Variants in DUS2 observed in about 807,000 individuals in gnomAD.
The protein encoded by DUS2 is dihydrouridine synthase 2, also known as tRNA-dihydrouridine(20) synthase [NAD(P)+]-like.
In DUS2, 52 loss-of-function variants were observed where a neutral mutation model predicts 71.3. The observed-to-expected ratio is 0.73, with a 90% CI of 0.58 to 0.92. DUS2 has a LOEUF of 0.92. Ranked by LOEUF, DUS2 falls within the 40% of genes least tolerant of loss-of-function variation. The probability of loss-of-function intolerance (pLI) is 0.00; values close to 1 mark genes in which losing one functional copy is unlikely to be tolerated. For missense variants in DUS2, 558 were observed against 622.6 expected, an observed-to-expected ratio of 0.90 and a Z score of 1.10; for synonymous variants, 204 against 227.8, an observed-to-expected ratio of 0.90 and a Z score of 0.94.
chr16:68,062,649 G>A (rs1029839098), intron 8 of DUS2, among the ~76,000 whole-genome samples: 15 of 149,450 alleles, frequency 1.0e-4, no homozygotes, highest in Non-Finnish European at 2.1e-4. Flanking sequence ...AACCCGGGAG[G>A]CAGAGGTTGC....
chr16:68,034,122 G>A (rs991514638), intron 2 of DUS2, among the ~76,000 whole-genome samples: 4 of 152,090 alleles, frequency 2.6e-5, no homozygotes, highest in African/African-American at 9.7e-5. Context: ...CTGGAGTGCA[G>A]TGGTATGATA....
At chr16:68,073,361 T>C (rs577218904) in intron 12 of DUS2, among the ~76,000 whole-genome samples, 3 of 150,674 alleles carry the variant, frequency 2.0e-5, no homozygotes, top group African/African-American at 7.3e-5. Context: ...CAGCCACAAC[T>C]CCTGGGTGCA....
intron 3 of DUS2, among the ~76,000 whole-genome samples, chr16:68,038,616 G>T (rs1322729605): frequency 6.6e-6 from 1 of 151,622 alleles, no homozygotes; most frequent in Admixed American, 6.6e-5. Flanking sequence ...TGTAGTCCCA[G>T]CTACTCGGGA....
Position 68,038,082 on chromosome 16 carries a change from T to C in DUS2, c.59T>C (p.Val20Ala), listed in dbSNP as rs1168712547. Residue 20 changes from valine to alanine, a missense_variant, in exon 3 of 17, where the codon GTT (valine) becomes GCT (alanine). Physicochemically the swap from Val to Ala is moderately conservative, Grantham distance 64. Coordinates refer to ENST00000565263, the MANE Select transcript of DUS2 (RefSeq NM_017803.5). Reference protein sequence around the residue: ...YHNKLILAPMVRVGTLPMRLL... With the variant: ...YHNKLILAPMARVGTLPMRLL... ...AATAAGCTAATCCTGGCCCCAATGG[T>C]TCGGGTAGGGACTCTTCCAATGAGG... 3 of 1,614,006 alleles carry C rather than the reference T, an allele frequency of 1.9e-6. No homozygotes were observed. In the East Asian group the frequency reaches 6.7e-5, roughly 36 times the overall value.
Position 68,066,622 on chromosome 16 carries a change from C to T in DUS2, c.540C>T (p.Ile180=), listed in dbSNP as rs761361430. ...TAGAGAGGACTGGCATTGCTGCCATCGCAGTTCATGGGAGGTGAGTGGTCA... is the reference window on the plus strand; with the variant it reads ...TAGAGAGGACTGGCATTGCTGCCATTGCAGTTCATGGGAGGTGAGTGGTCA... ...KRIERTGIAA[I]AVHGRKREER... is the part of the protein sequence containing the mutation. The change falls in exon 10 of 17, where the codon ATC becomes ATT. Residue 180 remains isoleucine (I), a synonymous_variant. Coordinates refer to ENST00000565263, the MANE Select transcript of DUS2 (RefSeq NM_017803.5). 61 of 1,613,984 alleles carry T rather than the reference C, an allele frequency of 3.8e-5. No individual in the cohort carries two copies. Among genetic ancestry groups the T allele is most frequent in the East Asian group, 2.7e-4 (12 of 44,898 alleles).
intron 12 of DUS2, among the ~76,000 whole-genome samples, chr16:68,071,705 A>G (rs1213040234): frequency 2.7e-5 from 4 of 147,248 alleles, no homozygotes; most frequent in Non-Finnish European, 5.9e-5. Flanking sequence ...TGGCATAATC[A>G]TGACTCACTG....
chr16:68,074,291 A>T lies in DUS2; in HGVS notation c.932+136A>T, dbSNP rs181749995. The T allele has an allele frequency of 3.4e-4, 397 of 1,179,556 alleles. 2 individuals carry two copies. In the African/African-American group the frequency reaches 5.1e-3, roughly 15 times the overall value. The allele number at this position is 1,179,556 out of a possible 1,614,324, so 73.1% of individuals were successfully genotyped here. On this transcript the variant is annotated intron_variant, in intron 13 of 16. Coordinates refer to ENST00000565263, the MANE Select transcript of DUS2 (RefSeq NM_017803.5). ...ATGTAGAGGAGTGGAGTGATGGTACAGCTTTGCCTCCCAGGAGGGGATTCT... is the reference window on the plus strand; with the variant it reads ...ATGTAGAGGAGTGGAGTGATGGTACTGCTTTGCCTCCCAGGAGGGGATTCT...
At chr16:68,060,565 C>T (rs934644390) in intron 7 of DUS2, among the ~76,000 whole-genome samples, 3 of 152,216 alleles carry the variant, frequency 2.0e-5, no homozygotes, top group African/African-American at 4.8e-5. Flanking sequence ...CCACCTGACT[C>T]AGCTTCCCAA....
intron 15 of DUS2, among the ~76,000 whole-genome samples, 196 bp downstream of exon 15, chr16:68,076,915 T>C (rs1227800910): frequency 3.6e-5 from 5 of 137,066 alleles, no homozygotes; most frequent in Admixed American, 7.0e-5. Context: ...ACATCTCTCT[T>C]TTTTTTTTTT....
In DUS2 at chr16:68,040,968, C is replaced by T. The variant is rs965555937; in HGVS notation, c.126+2819C>T. On this transcript the variant is annotated intron_variant, in intron 3 of 16. Transcript: ENST00000565263. ...CAAAGTCGCCGAGCGTGGTGGCTCA[C>T]GCCTGCAATCCCAGCACTTTGGGAG... 2.6e-5 allele frequency among the ~76,000 whole-genome samples: 4 copies of T among 152,280 alleles called. No individual in the cohort carries two copies. In the East Asian group the frequency reaches 7.7e-4, roughly 29 times the overall value.
intron 10 of DUS2, among the ~76,000 whole-genome samples, chr16:68,069,154 C>T (rs1262869142): frequency 6.6e-6 from 1 of 152,028 alleles, no homozygotes; most frequent in East Asian, 1.9e-4. Context: ...TTTAGGAGGC[C>T]GAGGCGGGTG....
At chr16:68,029,098 C>A (rs932373261) in intron 2 of DUS2, among the ~76,000 whole-genome samples, 1 of 151,690 alleles carries the variant, frequency 6.6e-6, no homozygotes, top group African/African-American at 2.4e-5. Flanking sequence ...CCAGTTACTC[C>A]GGATGCTGAG....
chr16:68,037,223 A>G (rs1262043547), intron 2 of DUS2, among the ~76,000 whole-genome samples: 1 of 150,354 alleles, frequency 6.7e-6, no homozygotes, highest in Non-Finnish European at 1.5e-5. Context: ...ACTGGCACAG[A>G]CTAGGTACTT....
chr16:68,078,327 GC>G, intron 15 of DUS2, 117 bp from the exon 16 acceptor site: 1 of 927,146 alleles, frequency 1.1e-6, no homozygotes, highest in South Asian at 1.4e-5. Flanking sequence ...GATACAGGCA[GC>G]CTTCATTTGA....
rs2034142669 is a variant in DUS2, at chr16:68,075,400, G to C, written c.978G>C (p.Glu326Asp). Residue 326 changes from glutamate (E) to aspartate (D), a missense_variant, in exon 14 of 17, where the codon GAG (glutamate) becomes GAC (aspartate). Coordinates refer to ENST00000565263, the MANE Select transcript of DUS2 (RefSeq NM_017803.5). ...CCTTCTATGAGGAGACCACACAGGA[G>C]CTGGATGCCCAGCAGGCCAGGCTCT... Reference protein sequence around the residue: ...LGAFYEETTQELDAQQARLSA... With the variant: ...LGAFYEETTQDLDAQQARLSA... 6.2e-7 allele frequency: 1 copy of C among 1,613,656 alleles called. No homozygotes were observed. Among genetic ancestry groups the C allele is most frequent in the Admixed American group, 1.7e-5 (1 of 59,950 alleles).
intron 3 of DUS2, among the ~76,000 whole-genome samples, chr16:68,039,339 G>A (rs1463126672): frequency 6.6e-6 from 1 of 151,974 alleles, no homozygotes; most frequent in African/African-American, 2.4e-5. Context: ...AGTGGCTCAT[G>A]CCTGTGGGGG....
chr16:68,028,269 G>A (rs1412077813), intron 2 of DUS2, among the ~76,000 whole-genome samples: 1 of 152,086 alleles, frequency 6.6e-6, no homozygotes, highest in East Asian at 1.9e-4. Flanking sequence ...AGTGCTTTCC[G>A]TGTCTTTATA....
intron 2 of DUS2, among the ~76,000 whole-genome samples, chr16:68,032,652 A>G (rs1307551064): frequency 6.6e-6 from 1 of 152,190 alleles, no homozygotes; most frequent in Admixed American, 6.5e-5. Flanking sequence ...GGAAGCAGAC[A>G]GTTTGGTGTG....
At chr16:68,058,856 A>G (rs767195826) in intron 7 of DUS2, among the ~76,000 whole-genome samples, 9 of 152,188 alleles carry the variant, frequency 5.9e-5, no homozygotes, top group African/African-American at 1.9e-4. Flanking sequence ...TATGCCACAC[A>G]TGTACATACT....
Sources: allele counts gnomAD v4.1 joint callset (sites outside exome capture counted in the v4.1 genomes callset), GRCh38; gene constraint gnomAD v4.1.1; transcripts MANE v1.5; gene names NCBI Gene and HGNC (gene_info 2026-07-23, HGNC 2026-07-21).